The following USP25 variants were observed in gnomAD, a reference collection of about 807,000 sequenced individuals.
The protein encoded by USP25 is ubiquitin carboxyl-terminal hydrolase 25.
USP25 carries 85 observed loss-of-function variants against 158.5 expected under a neutral mutation model. The ratio of observed to expected loss-of-function variants is 0.54; its 90% confidence interval spans 0.45 to 0.64. The LOEUF (loss-of-function observed/expected upper bound fraction) is 0.64, where lower values mean the gene tolerates loss of function less well. USP25 is among the 30% of genes least tolerant of loss of function. The probability of loss-of-function intolerance (pLI) is 0.00; values close to 1 mark genes in which losing one functional copy is unlikely to be tolerated. For missense variants in USP25, 1,242 were observed against 1,327.3 expected, an observed-to-expected ratio of 0.94 and a Z score of 1.00; for synonymous variants, 464 against 460.4, an observed-to-expected ratio of 1.01 and a Z score of -0.10.
chr21:15,862,418 G>A (rs928601214), intron 20 of USP25, among the ~76,000 whole-genome samples: 5 of 151,964 alleles, frequency 3.3e-5, no homozygotes, highest in African/African-American at 9.7e-5. Context: ...TCTGGTCCCA[G>A]GTATTTCAGA....
intron 4 of USP25, among the ~76,000 whole-genome samples, chr21:15,789,371 A>G (rs1420368041): frequency 2.6e-5 from 4 of 152,068 alleles, no homozygotes; most frequent in Admixed American, 6.6e-5. Flanking sequence ...GATGTCCTCA[A>G]GTTTTCTGTA....
intron 17 of USP25, among the ~76,000 whole-genome samples, chr21:15,838,194 G>A (rs1257911774): frequency 1.3e-5 from 2 of 151,582 alleles, no homozygotes; most frequent in Admixed American, 6.6e-5. Flanking sequence ...CTCCCAAAGT[G>A]CTAGGATTAC....
chr21:15,822,336 C>G (rs2037277424), intron 10 of USP25, among the ~76,000 whole-genome samples: 1 of 151,900 alleles, frequency 6.6e-6, no homozygotes, highest in Admixed American at 6.6e-5. Context: ...TAGGAAAAAC[C>G]TGCCATCGCT....
At position 15,842,399 on chromosome 21, in the gene USP25, A is replaced by C; in HGVS notation, c.2196A>C (p.Ala732=). 1.9e-6 allele frequency: 3 copies of C among 1,613,092 alleles called. No homozygotes were observed. Among genetic ancestry groups the C allele is most frequent in the Non-Finnish European group, 2.5e-6 (3 of 1,179,540 alleles). Residue 732 remains alanine (A), a splice_region_variant and synonymous_variant, in exon 18 of 26, where the codon GCA becomes GCC. Coordinates refer to ENST00000400183, the MANE Select transcript of USP25 (RefSeq NM_001283041.3). ...ATAATTGATTCTTTTCTCATGAAGCACAAGCAGCAGGAGACCCAGAATATC... is the reference window on the plus strand; with the variant it reads ...ATAATTGATTCTTTTCTCATGAAGCCCAAGCAGCAGGAGACCCAGAATATC... The part of the protein sequence containing the change: ...LRESETSVTT[A]QAAGDPEYLE...
chr21:15,776,670 G>A, intron 3 of USP25, among the ~76,000 whole-genome samples: 1 of 151,178 alleles, frequency 6.6e-6, no homozygotes, highest in Non-Finnish European at 1.5e-5. Flanking sequence ...GCAAAACCTT[G>A]TATCTACAAA....
Position 15,863,247 on chromosome 21 carries a change from T to A in USP25, c.2548-1021T>A, listed in dbSNP as rs367699358. Among the ~76,000 whole-genome samples, 4 of 152,210 alleles carry A rather than the reference T, an allele frequency of 2.6e-5. No homozygotes were observed. In the East Asian group the frequency reaches 7.7e-4, roughly 29 times the overall value. ...TAAAACATGCATTAGTATTTGTTAT[T>A]TCCCATTATTATTTGTATATTATGA... is the stretch of plus-strand genomic sequence containing the variant. On this transcript the variant is annotated intron_variant, in intron 20 of 25. Transcript: ENST00000400183.
chr21:15,761,698 G>A (rs2033736116), intron 1 of USP25, among the ~76,000 whole-genome samples: 1 of 152,132 alleles, frequency 6.6e-6, no homozygotes, highest in African/African-American at 2.4e-5. Context: ...GAGGAATCAG[G>A]GGAGAAGAAA....
At chr21:15,795,149 G>A (rs1452637966) in intron 5 of USP25, among the ~76,000 whole-genome samples, 1 of 151,274 alleles carries the variant, frequency 6.6e-6, no homozygotes, top group Non-Finnish European at 1.5e-5. Flanking sequence ...CCTTCCCACT[G>A]AGATAGATGA....
chr21:15,779,967 A>G (rs919322947), intron 4 of USP25, among the ~76,000 whole-genome samples: 1 of 152,154 alleles, frequency 6.6e-6, no homozygotes, highest in African/African-American at 2.4e-5. Context: ...TATTAGGAAA[A>G]GAGGATGTGG....
chr21:15,826,400 A>G lies in USP25; in HGVS notation c.1466+35A>G. ...AATCCTGATGCAAGAGACAGTTGTT[A>G]CCTTTATTACACAATAATGTAACTG... is the stretch of plus-strand genomic sequence containing the variant. On this transcript the variant is annotated intron_variant, in intron 13 of 25. Transcript: ENST00000400183. The surrounding 1 kb of genome is among the most constrained non-coding windows in gnomAD (Gnocchi z 4.8). The G allele has an allele frequency of 1.9e-6, 3 of 1,607,416 alleles. No homozygotes were observed. The highest frequency in any genetic ancestry group is 1.7e-6 in the Non-Finnish European group (2 of 1,175,778).
chr21:15,756,529 C>T (rs542599575), intron 1 of USP25, among the ~76,000 whole-genome samples: 82 of 152,168 alleles, frequency 5.4e-4, no homozygotes, highest in Admixed American at 1.1e-3. Context: ...GTTAAATATG[C>T]CCTCTTTACT....
chr21:15,733,030 T>C (rs960731226), intron 1 of USP25, among the ~76,000 whole-genome samples: 17 of 151,066 alleles, frequency 1.1e-4, no homozygotes, highest in Admixed American at 9.3e-4. Context: ...TTTGGACATA[T>C]ATCTTCAGCC....
intron 1 of USP25, among the ~76,000 whole-genome samples, chr21:15,748,454 GTTTTTTTTTTTTTTT>G (rs71331787): frequency 1.3e-5 from 1 of 78,994 alleles, no homozygotes; most frequent in Non-Finnish European, 2.4e-5. Flanking sequence ...CTACTTTTTA[GTTTTTTTTTTTTTTT>G]TTTTTTTTTT....
intron 7 of USP25, among the ~76,000 whole-genome samples, chr21:15,806,176 G>A (rs565111251): frequency 3.3e-5 from 5 of 151,992 alleles, no homozygotes; most frequent in Non-Finnish European, 5.9e-5. Flanking sequence ...TTTCTTACTC[G>A]CTCTGTCATG....
intron 1 of USP25, among the ~76,000 whole-genome samples, chr21:15,746,476 C>G (rs1026379908): frequency 1.3e-5 from 2 of 152,026 alleles, no homozygotes; most frequent in Non-Finnish European, 2.9e-5. Flanking sequence ...TTCACTGCAA[C>G]CGCCGCCTCC....
chr21:15,795,174 C>T (rs1404548081), intron 5 of USP25, among the ~76,000 whole-genome samples: 2 of 151,476 alleles, frequency 1.3e-5, no homozygotes, highest in South Asian at 2.1e-4. Context: ...TTTGCTCTTT[C>T]AGTTCACCTG....
At chr21:15,795,526 C>G (rs552502848) in intron 5 of USP25, among the ~76,000 whole-genome samples, 1 of 151,576 alleles carries the variant, frequency 6.6e-6, no homozygotes, top group South Asian at 2.1e-4. Flanking sequence ...AATTCTGATT[C>G]TTTGTGGTTT....
intron 1 of USP25, among the ~76,000 whole-genome samples, chr21:15,742,891 C>T (rs1421304207): frequency 6.6e-6 from 1 of 152,190 alleles, no homozygotes; most frequent in Non-Finnish European, 1.5e-5. Flanking sequence ...CAGCCCATGG[C>T]GGGACTGGGT....
intron 3 of USP25, among the ~76,000 whole-genome samples, chr21:15,774,997 A>G (rs928896050): frequency 2.0e-5 from 3 of 152,084 alleles, no homozygotes; most frequent in African/African-American, 7.2e-5. Context: ...GGCCCTGGGG[A>G]CCCCAAGGAT....
Sources: gnomAD v4.1 joint callset for allele counts (sites outside exome capture counted in the v4.1 genomes callset) on GRCh38, gnomAD v4.1.1 for gene constraint, Gnocchi (gnomAD v3.1) non-coding constraint, MANE v1.5 for transcripts, NCBI Gene and HGNC (gene_info 2026-07-23, HGNC 2026-07-21) for gene names.